TTC19: variants seen among roughly 807,000 people sequenced by gnomAD.
TTC19 encodes tetratricopeptide repeat domain 19.
In TTC19, 38 loss-of-function variants were observed where a neutral mutation model predicts 49.5. The observed-to-expected ratio is 0.77, with a 90% CI of 0.59 to 1.01. TTC19 has a LOEUF of 1.01. Among genes scored for constraint, TTC19 ranks in the 50% least tolerant of loss-of-function variants. The probability of loss-of-function intolerance (pLI) is 0.00; values close to 1 mark genes in which losing one functional copy is unlikely to be tolerated. For missense variants in TTC19, 475 were observed against 477.7 expected, an observed-to-expected ratio of 0.99 and a Z score of 0.05; for synonymous variants, 204 against 185.2, an observed-to-expected ratio of 1.10 and a Z score of -0.83.
chr17:16,010,167 A>ATTTTTTTTTTTTTT (rs1201745186), intron 7 of TTC19, among the ~76,000 whole-genome samples: 2 of 108,208 alleles, frequency 1.8e-5, no homozygotes, highest in African/African-American at 3.9e-5. Context: ...TTAATTTTTA[A>ATTTTTTTTTTTTTT]TTTTTTTTTT....
In TTC19 at chr17:16,003,820, T is replaced by C. The variant is rs1217616548; in HGVS notation, c.463-11T>C. ...CCAATTAAAAGAAAAATCTTTTCCT[T>C]ATGCTTTTAGGCTGAACAACTTTTT... is the stretch of plus-strand genomic sequence containing the variant. On this transcript the variant is annotated splice_polypyrimidine_tract_variant and intron_variant, in intron 4 of 9. Coordinates refer to ENST00000261647, the MANE Select transcript of TTC19 (RefSeq NM_017775.4). The C allele has an allele frequency of 6.2e-7, 1 of 1,612,862 alleles. No individual in the cohort carries two copies. The highest frequency in any genetic ancestry group is 1.3e-5 in the African/African-American group (1 of 74,880).
At position 16,027,924 on chromosome 17, in the gene TTC19, T is replaced by C. The variant is rs1971633660; in HGVS notation, c.*402T>C. 4.4e-6 allele frequency: 2 copies of C among 456,346 alleles called. No homozygotes were observed. The highest frequency in any genetic ancestry group is 4.4e-6 in the Non-Finnish European group (1 of 228,240). 28.3% of individuals were successfully genotyped at this position (456,346 alleles called of 1,614,324 possible). On this transcript the variant is annotated 3_prime_UTR_variant, in exon 10 of 10. Transcript: ENST00000261647. ...CCCTGTCTTCTCTTACTTTACTTTA[T>C]CAATACCTGGCAAACTGACCAGAAT...
downstream of TTC19, chr17:16,030,284 G>T: frequency 4.4e-6 from 1 of 225,308 alleles, no homozygotes; most frequent in Non-Finnish European, 8.8e-6. Context: ...AGAAGGGGTT[G>T]GTCTTGCTAT....
chr17:16,002,060 G>A (rs778623975), intron 3 of TTC19, 35 bp downstream of exon 3: 1 of 1,460,096 alleles, frequency 6.8e-7, no homozygotes, highest in Non-Finnish European at 9.6e-7. Context: ...CACTGATGAG[G>A]AAGGTTGGAT....
chr17:16,028,006 C>G lies in TTC19; in HGVS notation c.*484C>G. 1 of 454,150 alleles carries G rather than the reference C, an allele frequency of 2.2e-6. No individual in the cohort carries two copies. Among genetic ancestry groups the G allele is most frequent in the Non-Finnish European group, 4.4e-6 (1 of 226,846 alleles). The allele number at this position is 454,150 out of a possible 1,614,324, so 28.1% of individuals were successfully genotyped here. A position where few individuals can be genotyped will look rare whatever the true frequency, so the allele number is the denominator to read the frequency against. On this transcript the variant is annotated 3_prime_UTR_variant, in exon 10 of 10. Coordinates refer to ENST00000261647, the MANE Select transcript of TTC19 (RefSeq NM_017775.4). ...GAATTGTTGTTCTTATAGTCTGTTTCATGAAGCACAAGTGGAATTTAATAC... is the reference window on the plus strand; with the variant it reads ...GAATTGTTGTTCTTATAGTCTGTTTGATGAAGCACAAGTGGAATTTAATAC...
intron 7 of TTC19, among the ~76,000 whole-genome samples, chr17:16,020,539 G>A (rs763754819): frequency 3.3e-5 from 5 of 152,102 alleles, no homozygotes; most frequent in African/African-American, 4.8e-5. Flanking sequence ...CTTATGTCTT[G>A]ATTTGTAATG....
chr17:16,036,358 C>T (rs543034933), intron 2 of TTC19, among the ~76,000 whole-genome samples: 1 of 152,330 alleles, frequency 6.6e-6, no homozygotes, highest in Admixed American at 6.5e-5. Flanking sequence ...TTCTAGAGCA[C>T]AGGCGAGTAG....
At chr17:16,006,437 A>G (rs775477348) in intron 6 of TTC19, 37 bp from the exon 7 acceptor site, 5 of 1,429,882 alleles carry the variant, frequency 3.5e-6, no homozygotes, top group South Asian at 1.2e-5. Context: ...AAAAAAGAAG[A>G]AAAGGTAAAT....
At chr17:16,040,143 G>C (rs779304381) in intron 2 of TTC19, 7 of 532,230 alleles carry the variant, frequency 1.3e-5, no homozygotes, top group African/African-American at 7.5e-5. Flanking sequence ...TTTCCCAAGT[G>C]AATCAGTCAC....
At chr17:16,018,681 A>AT (rs1265824562) in intron 7 of TTC19, among the ~76,000 whole-genome samples, 2 of 151,214 alleles carry the variant, frequency 1.3e-5, no homozygotes, top group Admixed American at 6.6e-5. Flanking sequence ...TAATTTCCGG[A>AT]TTTTTTCATA....
chr17:16,006,443 T>C (rs1468402532), intron 6 of TTC19, 31 bp from the exon 7 acceptor site: 1 of 1,452,390 alleles, frequency 6.9e-7, no homozygotes, highest in African/African-American at 1.4e-5. Context: ...GAAGAAAAGG[T>C]AAATGGCTGA....
chr17:16,037,347 C>T (rs1009413190), intron 2 of TTC19, among the ~76,000 whole-genome samples: 1 of 151,818 alleles, frequency 6.6e-6, no homozygotes, highest in Non-Finnish European at 1.5e-5. Flanking sequence ...AAAGGAGAGC[C>T]CATGCTATTA....
chr17:16,039,717 A>G, intron 2 of TTC19: 1 of 1,427,250 alleles, frequency 7.0e-7, no homozygotes, highest in Middle Eastern at 1.8e-4. Flanking sequence ...ACAAACATGC[A>G]TTGCCCCATC....
At chr17:16,011,607 A>T (rs768291423) in intron 7 of TTC19, among the ~76,000 whole-genome samples, 2 of 152,182 alleles carry the variant, frequency 1.3e-5, no homozygotes. Flanking sequence ...CTGTTTTTTT[A>T]AAGTGGATTC....
intron 4 of TTC19, among the ~76,000 whole-genome samples, chr17:16,003,454 T>TTTAC (rs1206193230): frequency 7.5e-6 from 1 of 133,620 alleles, no homozygotes; most frequent in African/African-American, 2.8e-5. Context: ...TATTTATTTA[T>TTTAC]TGTAGAGACG....
At chr17:16,038,398 C>A (rs1033973411) in intron 2 of TTC19, among the ~76,000 whole-genome samples, 2 of 151,854 alleles carry the variant, frequency 1.3e-5, no homozygotes, top group Non-Finnish European at 2.9e-5. Context: ...ATGATGTGAT[C>A]TGAAGAACTG....
At position 16,000,243 on chromosome 17, in the gene TTC19, A is replaced by C. The variant is rs931942536; in HGVS notation, c.310A>C (p.Lys104Gln). The C allele has an allele frequency of 1.3e-6, 2 of 1,595,050 alleles. No individual in the cohort carries two copies. Among genetic ancestry groups the C allele is most frequent in the African/African-American group, 2.7e-5 (2 of 74,930 alleles). Residue 104 changes from lysine to glutamine, a missense_variant and splice_region_variant, in exon 2 of 10, where the codon AAG (lysine) becomes CAG (glutamine). Physicochemically the swap from Lys to Gln is moderately conservative, Grantham distance 53. Transcript: ENST00000261647. ...GATCATCCAGCTGCTGAAGCGAGCC[A>C]AGGTGAGGCGGCTCCGGGCCCTGCG... Reference protein sequence around the residue: ...AEIIQLLKRAKLSIMKDEPEE... With the variant: ...AEIIQLLKRAQLSIMKDEPEE...
rs760411789 is a variant in TTC19 at position 16,000,077 on chromosome 17, G to A, written c.185-41G>A. The A allele has an allele frequency of 3.7e-6, 5 of 1,367,782 alleles. No individual in the cohort carries two copies. The South Asian group carries it at 6.7e-5, about 18-fold the overall frequency. The allele number at this position is 1,367,782 out of a possible 1,614,324, so 84.7% of individuals were successfully genotyped here. The stretch of plus-strand genomic sequence containing the variant: ...CGGGGCCGGCCGGGCGGGGACAGGG[G>A]CGCGGGCCGGGCCCGATGACCTCAG... On this transcript the variant is annotated intron_variant, in intron 1 of 9. Transcript: ENST00000261647.
chr17:16,032,521 ATAAC>A, downstream of TTC19: 1 of 1,528,478 alleles, frequency 6.5e-7, no homozygotes, highest in South Asian at 1.3e-5. Flanking sequence ...TGTCATGAAC[ATAAC>A]TGGTATTTCA....
Sources: allele counts gnomAD v4.1 joint callset (sites outside exome capture counted in the v4.1 genomes callset), GRCh38; gene constraint gnomAD v4.1.1; transcripts MANE v1.5; gene names NCBI Gene and HGNC (gene_info 2026-07-23, HGNC 2026-07-21).